POLK: variants seen among roughly 807,000 people sequenced by gnomAD.
POLK encodes the protein polymerase (DNA directed) kappa.
In POLK, 76 loss-of-function variants were observed where a neutral mutation model predicts 94.0. That is an observed-to-expected ratio of 0.81 (90% confidence interval 0.67 to 0.98). The LOEUF (loss-of-function observed/expected upper bound fraction) is 0.98. POLK is among the 50% of genes least tolerant of loss of function. The pLI is 0.00. For synonymous variants in POLK, 349 were observed against 325.4 expected (o/e 1.07, Z -0.78); for missense variants, 954 against 1,010.1 (o/e 0.94, Z 0.75).
chr5:75,599,316 G>A (rs894600963), exon 15 of POLK: 2 of 151,948 alleles, frequency 1.3e-5, no homozygotes, highest in Non-Finnish European at 2.9e-5. Flanking sequence ...ACTTCTTTAA[G>A]GAGCTAAATC....
chr5:75,606,838 GACTGCCAGTGAGAATTTGAACCATAA>G, the POLK span, among the ~76,000 whole-genome samples: 1 of 152,100 alleles, frequency 6.6e-6, no homozygotes, highest in South Asian at 2.1e-4. Flanking sequence ...TGGAAGGAGG[GACTGCCAGTGAGAATTTGAACCATAA>G]ACCAGTACAC....
chr5:75,587,037 G>C, exon 10 of POLK: 2 of 1,555,824 alleles, frequency 1.3e-6, no homozygotes, highest in Non-Finnish European at 1.8e-6. Context: ...GATGGAGAGA[G>C]GAAAAGTATG....
chr5:75,511,313 T>C (rs761720711), upstream of POLK: 14 of 1,550,312 alleles, frequency 9.0e-6, no homozygotes, highest in East Asian at 3.4e-4. Flanking sequence ...AAGCGAAGAG[T>C]GCCCGCTCCG....
chr5:75,542,572 T>A (rs1195138205), intron 1 of POLK, among the ~76,000 whole-genome samples: 1 of 151,580 alleles, frequency 6.6e-6, no homozygotes, highest in Non-Finnish European at 1.5e-5. Context: ...TTGCCTTATA[T>A]GTGTGGGTAT....
At chr5:75,561,410 T>A (rs1770967650) in intron 3 of POLK, among the ~76,000 whole-genome samples, 1 of 152,208 alleles carries the variant, frequency 6.6e-6, no homozygotes. Context: ...ATATTAGCTG[T>A]TTGTCAGATG....
intron 1 of POLK, among the ~76,000 whole-genome samples, chr5:75,529,851 A>C (rs1769065836): frequency 6.6e-6 from 1 of 152,210 alleles, no homozygotes; most frequent in African/African-American, 2.4e-5. Context: ...ATTGAATATA[A>C]ACATGTACAT....
intron 2 of POLK, among the ~76,000 whole-genome samples, chr5:75,547,515 G>C (rs932169706): frequency 1.3e-5 from 2 of 151,464 alleles, no homozygotes; most frequent in African/African-American, 4.9e-5. Flanking sequence ...TTCTTTGTAT[G>C]CCTGTGTGTG....
Position 75,564,898 on chromosome 5 carries a change from T to C in POLK, c.256-4442T>C, listed in dbSNP as rs199672453. 6.6e-5 allele frequency among the ~76,000 whole-genome samples: 10 copies of C among 152,292 alleles called. No homozygotes were observed. In the East Asian group the frequency reaches 1.7e-3, roughly 26 times the overall value. ...CTCGAGGAGTATCTTGTGTTTTTCT[T>C]TGTATTTCCTGAATTTGAGTGTTGG... is the stretch of plus-strand genomic sequence containing the variant. On this transcript the variant is annotated intron_variant, in intron 3 of 14. Transcript: ENST00000241436.
chr5:75,549,315 T>C (rs915246025), intron 2 of POLK, among the ~76,000 whole-genome samples: 2 of 152,158 alleles, frequency 1.3e-5, no homozygotes, highest in Admixed American at 1.3e-4. Context: ...TAGTCCATTC[T>C]TTTCCTACTG....
At chr5:75,554,853 A>C (rs1383192846) in intron 3 of POLK, among the ~76,000 whole-genome samples, 1 of 152,162 alleles carries the variant, frequency 6.6e-6, no homozygotes, top group Non-Finnish European at 1.5e-5. Context: ...TTTTATTGCC[A>C]CACAGTATTC....
At chr5:75,575,878 G>A (rs1022722283) in intron 5 of POLK, among the ~76,000 whole-genome samples, 2 of 152,082 alleles carry the variant, frequency 1.3e-5, no homozygotes, top group African/African-American at 4.8e-5. Context: ...AAAGCTAAAT[G>A]GAAGCTTAAC....
chr5:75,522,390 A>C (rs1176897158), intron 1 of POLK, among the ~76,000 whole-genome samples: 1 of 152,166 alleles, frequency 6.6e-6, no homozygotes, highest in Non-Finnish European at 1.5e-5. Flanking sequence ...TACTAGCAAT[A>C]ATCTCAGCAC....
At chr5:75,518,232 G>A (rs1455793658) in intron 1 of POLK, among the ~76,000 whole-genome samples, 5 of 152,112 alleles carry the variant, frequency 3.3e-5, no homozygotes, top group African/African-American at 1.2e-4. Flanking sequence ...TTCTTGAAAT[G>A]TTGGGTAGAA....
At chr5:75,594,615 C>T (rs1772971056) in intron 12 of POLK, among the ~76,000 whole-genome samples, 1 of 152,164 alleles carries the variant, frequency 6.6e-6, no homozygotes, top group Non-Finnish European at 1.5e-5. Flanking sequence ...GGCAACACCC[C>T]CTGTTCAAAC....
intron 1 of POLK, among the ~76,000 whole-genome samples, chr5:75,541,787 C>A (rs115363007): frequency 0.015 from 2,273 of 152,234 alleles, 54 homozygotes; most frequent in African/African-American, 0.052. Context: ...CAAAGTTGCA[C>A]CTATACTTTC....
At chr5:75,519,474 G>GGA (rs1768469348) in intron 1 of POLK, among the ~76,000 whole-genome samples, 1 of 151,958 alleles carries the variant, frequency 6.6e-6, no homozygotes, top group Non-Finnish European at 1.5e-5. Context: ...CTGAGAGTAG[G>GGA]GTGTTGAAGT....
At chr5:75,512,063 C>A in intron 1 of POLK, 149 bp downstream of exon 1, 1 of 371,856 alleles carries the variant, frequency 2.7e-6, no homozygotes. Flanking sequence ...CTTGCGGGCC[C>A]AGACGTGAGA....
exon 9 of POLK, chr5:75,584,851 C>T: frequency 6.2e-7 from 1 of 1,603,878 alleles, no homozygotes; most frequent in African/African-American, 1.3e-5. Context: ...GCATTGCTTT[C>T]TCTCCTTTTC....
At chr5:75,511,327 T>A, upstream of POLK, 1 of 1,544,726 alleles carries the variant, frequency 6.5e-7, no homozygotes, top group Non-Finnish European at 8.7e-7. Context: ...CGCTCCGGTG[T>A]GGGGGGGAGC....
Sources: allele counts gnomAD v4.1 joint callset (sites outside exome capture counted in the v4.1 genomes callset), GRCh38; gene constraint gnomAD v4.1.1; transcripts MANE v1.5; gene names NCBI Gene and HGNC (gene_info 2026-07-23, HGNC 2026-07-21).